Variants in FAHD2A observed in about 807,000 individuals in gnomAD.
FAHD2A encodes oxaloacetate tautomerase FAHD2A, mitochondrial.
FAHD2A carries 27 observed loss-of-function variants against 33.4 expected under a neutral mutation model. That is an observed-to-expected ratio of 0.81 (90% confidence interval 0.60 to 1.11). The LOEUF is 1.11. FAHD2A is among the 50% of genes most tolerant of loss of function. The probability of loss-of-function intolerance (pLI) is 0.00; values close to 1 mark genes in which losing one functional copy is unlikely to be tolerated. For synonymous variants in FAHD2A, 130 were observed against 153.3 expected (o/e 0.85, Z 1.12); for missense variants, 296 against 395.0 (o/e 0.75, Z 2.12).
downstream of FAHD2A, among the ~76,000 whole-genome samples, chr2:95,417,310 T>G (rs3967705): frequency 2.0e-5 from 3 of 152,142 alleles, no homozygotes; most frequent in Non-Finnish European, 2.9e-5. Context: ...ATCTGGGAGC[T>G]GAGTTGCAGG....
downstream of FAHD2A, among the ~76,000 whole-genome samples, chr2:95,420,803 C>T (rs148473132): frequency 6.8e-4 from 103 of 152,086 alleles, 1 homozygote; most frequent in Non-Finnish European, 9.6e-4. Flanking sequence ...GACCCCATAA[C>T]CTTAAGGACC....
At chr2:95,420,364 C>G (rs1294591489), downstream of FAHD2A, among the ~76,000 whole-genome samples, 2 of 151,976 alleles carry the variant, frequency 1.3e-5, no homozygotes, top group Non-Finnish European at 2.9e-5. Context: ...AGAAATCATA[C>G]CTTAAAGTAT....
At position 95,409,726 on chromosome 2, in the gene FAHD2A, T is replaced by TACTC. The variant is rs559801691; in HGVS notation, c.463-799_463-796dup. On this transcript the variant is annotated intron_variant, in intron 3 of 7. Transcript: ENST00000233379. The stretch of plus-strand genomic sequence containing the variant: ...TCAATATCACTGTGAATTCTGTTTT[T>TACTC]ACTCAATTGTTTGTAATTCATCATT... Among the ~76,000 whole-genome samples, 164 of 152,372 alleles carry TACTC rather than the reference T, an allele frequency of 1.1e-3. 1 individual carries two copies. Among genetic ancestry groups the TACTC allele is most frequent in the Admixed American group, 9.7e-3 (148 of 15,310 alleles).
At chr2:95,405,961 T>C in intron 2 of FAHD2A, among the ~76,000 whole-genome samples, 158 bp downstream of exon 2, 1 of 151,758 alleles carries the variant, frequency 6.6e-6, no homozygotes, top group East Asian at 1.9e-4. Flanking sequence ...CTTAGAAATC[T>C]TACATAATAA....
Position 95,412,729 on chromosome 2 carries a change from G to T in FAHD2A, c.847G>T (p.Val283Phe), listed in dbSNP as rs902052191. Residue 283 changes from valine to phenylalanine, a missense_variant, in exon 7 of 8, where the codon GTC becomes TTC. Transcript: ENST00000233379. ...CATCCTAACTGGGACCCCCCCAGGT[G>T]TCGGTGTATTCAGGAAACCTCCTGT... ...DVILTGTPPG[V>F]GVFRKPPVFL... The T allele has an allele frequency of 6.2e-7, 1 of 1,614,074 alleles. No homozygotes were observed. The highest frequency in any genetic ancestry group is 8.5e-7 in the Non-Finnish European group (1 of 1,180,038).
At position 95,415,608 on chromosome 2, in the gene FAHD2A, T is replaced by C. The variant is rs1321006466; in HGVS notation, c.*2651T>C. Reference sequence around the variant, plus strand: ...GCCTGTCAGGCAGGCGGCAACACTCTCCATGTATCACTCGCCAGCCGTGCA... The same window carrying C: ...GCCTGTCAGGCAGGCGGCAACACTCCCCATGTATCACTCGCCAGCCGTGCA... On this transcript the variant is annotated 3_prime_UTR_variant, in exon 8 of 8. Coordinates refer to ENST00000233379, the MANE Select transcript of FAHD2A (RefSeq NM_016044.3). 6.6e-6 allele frequency: 1 copy of C among 152,556 alleles called. No homozygotes were observed. Among genetic ancestry groups the C allele is most frequent in the Admixed American group, 6.5e-5 (1 of 15,280 alleles). 9.5% of individuals were successfully genotyped at this position (152,556 alleles called of 1,614,324 possible). A position where few individuals can be genotyped will look rare whatever the true frequency, so the allele number is the denominator to read the frequency against.
Position 95,405,633 on chromosome 2 carries a change from A to G in FAHD2A, c.75A>G (p.Arg25=), listed in dbSNP as rs556350179. Residue 25 remains arginine (R), a synonymous_variant, in exon 2 of 8, where the codon AGA becomes AGG. Coordinates refer to ENST00000233379, the MANE Select transcript of FAHD2A (RefSeq NM_016044.3). Reference sequence around the variant, plus strand: ...AGAAGTGGCCCTTTCAACCCTCCAGAGACATGAGACTAGTGCAGTTCCGGG... The same window carrying G: ...AGAAGTGGCCCTTTCAACCCTCCAGGGACATGAGACTAGTGCAGTTCCGGG... ...QAQKWPFQPS[R]DMRLVQFRAP... The G allele has an allele frequency of 1.2e-6, 2 of 1,614,160 alleles. No homozygotes were observed. Among genetic ancestry groups the G allele is most frequent in the Admixed American group, 1.7e-5 (1 of 60,018 alleles).
At chr2:95,404,533 G>C (rs1031709204) in intron 1 of FAHD2A, among the ~76,000 whole-genome samples, 3 of 152,136 alleles carry the variant, frequency 2.0e-5, no homozygotes, top group Admixed American at 6.5e-5. Flanking sequence ...GACCTCAAGT[G>C]ATCCACCCAC....
At chr2:95,410,428 T>G in intron 3 of FAHD2A, 99 bp from the exon 4 acceptor site, 5 of 1,483,328 alleles carry the variant, frequency 3.4e-6, no homozygotes, top group Non-Finnish European at 4.6e-6. Flanking sequence ...GAAGCCATAC[T>G]GACAAAGGTT....
At position 95,415,360 on chromosome 2, in the gene FAHD2A, GATT is replaced by G. The variant is rs560339829; in HGVS notation, c.*2405_*2407del. On this transcript the variant is annotated 3_prime_UTR_variant, in exon 8 of 8. Coordinates refer to ENST00000233379, the MANE Select transcript of FAHD2A (RefSeq NM_016044.3). ...CCAGACTTCCCAGTGTTTAGCAACAGATTAAACTCTAAGCCAACAACAACAGAA... is the reference window on the plus strand; with the variant it reads ...CCAGACTTCCCAGTGTTTAGCAACAGAAACTCTAAGCCAACAACAACAGAA... 1 of 150,086 alleles carries G rather than the reference GATT, an allele frequency of 6.7e-6. No homozygotes were observed. The allele number at this position is 150,086 out of a possible 1,614,324, so 9.3% of individuals were successfully genotyped here.
chr2:95,417,233 G>C (rs1294857470), downstream of FAHD2A, among the ~76,000 whole-genome samples: 1 of 152,244 alleles, frequency 6.6e-6, no homozygotes, highest in Non-Finnish European at 1.5e-5. Flanking sequence ...TCATCCCTGA[G>C]TTGACCTTAA....
rs1368707689 is a variant in FAHD2A, at chr2:95,410,871, A to G, written c.530A>G (p.Asp177Gly). 4 of 1,613,856 alleles carry G rather than the reference A, an allele frequency of 2.5e-6. No individual in the cohort carries two copies. The African/African-American group carries it at 5.3e-5, about 22-fold the overall frequency. ...AATCCCCTGCCCCCATAGGCCACAG[A>G]TGCTATGGCCCACGTGGCCGGCTTC... is the stretch of plus-strand genomic sequence containing the variant. ...GKKGKHIKAT[D>G]AMAHVAGFTV... is the part of the protein sequence containing the mutation. The change falls in exon 5 of 8, where the codon GAT becomes GGT. Residue 177 changes from aspartate to glycine, a missense_variant. Physicochemically the swap from Asp to Gly is moderately conservative, Grantham distance 94 (BLOSUM62 -1). Coordinates refer to ENST00000233379, the MANE Select transcript of FAHD2A (RefSeq NM_016044.3).
At chr2:95,417,106 A>G (rs1683226711), downstream of FAHD2A, among the ~76,000 whole-genome samples, 1 of 152,242 alleles carries the variant, frequency 6.6e-6, no homozygotes, top group African/African-American at 2.4e-5. Context: ...AATCTTTTCT[A>G]AAAAGAAAGT....
downstream of FAHD2A, among the ~76,000 whole-genome samples, chr2:95,419,442 A>G (rs1474066483): frequency 6.6e-6 from 1 of 152,044 alleles, no homozygotes; most frequent in African/African-American, 2.4e-5. Flanking sequence ...AAAAAGATTA[A>G]AAGGAGAACT....
downstream of FAHD2A, among the ~76,000 whole-genome samples, chr2:95,419,347 G>A (rs1427488661): frequency 6.9e-6 from 1 of 145,706 alleles, no homozygotes; most frequent in African/African-American, 2.4e-5. Context: ...TACAGACTAA[G>A]AGGAAAGAAT....
rs372626548 is a variant in FAHD2A, at chr2:95,405,789, C to G, written c.231C>G (p.Leu77=). The change falls in exon 2 of 8, where the codon CTC becomes CTG. Residue 77 remains leucine (L), a synonymous_variant. Transcript: ENST00000233379. ...TQFLEQGEAT[L]SVARRALAAQ... ...TCCTAGAGCAGGGAGAGGCCACCCTCTCAGTGGCAAGAAGGTAAGTAAGTG... is the reference window on the plus strand; with the variant it reads ...TCCTAGAGCAGGGAGAGGCCACCCTGTCAGTGGCAAGAAGGTAAGTAAGTG... 5.6e-6 allele frequency: 9 copies of G among 1,612,756 alleles called. No homozygotes were observed. Among genetic ancestry groups the G allele is most frequent in the Non-Finnish European group, 7.6e-6 (9 of 1,179,612 alleles).
chr2:95,407,495 GTACATATACT>G lies in FAHD2A; in HGVS notation c.462+342_462+351del, dbSNP rs1458232234. ...CTCCGCTCCTGTATATGTTTATACT[GTACATATACT>G]TACCTTTTACTTAAGACTCCATCAG... On this transcript the variant is annotated intron_variant, in intron 3 of 7. Transcript: ENST00000233379. 20 of 297,550 alleles carry G rather than the reference GTACATATACT, an allele frequency of 6.7e-5. No individual in the cohort carries two copies. The East Asian group carries it at 1.3e-3, about 19-fold the overall frequency. The allele number at this position is 297,550 out of a possible 1,614,324, so 18.4% of individuals were successfully genotyped here.
downstream of FAHD2A, among the ~76,000 whole-genome samples, chr2:95,420,135 G>A (rs906772097): frequency 6.6e-6 from 1 of 152,064 alleles, no homozygotes; most frequent in Non-Finnish European, 1.5e-5. Flanking sequence ...TTCTACATTA[G>A]GGAGGGCAAT....
chr2:95,421,047 G>C (rs979676808), downstream of FAHD2A, among the ~76,000 whole-genome samples: 1 of 128,344 alleles, frequency 7.8e-6, no homozygotes, highest in Non-Finnish European at 1.7e-5. Flanking sequence ...GTGTGTGTGT[G>C]TCCCCAGGAT....
Sources: gnomAD v4.1 joint callset for allele counts (sites outside exome capture counted in the v4.1 genomes callset) on GRCh38, gnomAD v4.1.1 for gene constraint, MANE v1.5 for transcripts, NCBI Gene and HGNC (gene_info 2026-07-23, HGNC 2026-07-21) for gene names.